The following EPM2A variants were observed in gnomAD, a reference collection of about 807,000 sequenced individuals.
The protein encoded by EPM2A is laforin.
EPM2A carries 21 observed loss-of-function variants against 26.5 expected under a neutral mutation model. The observed-to-expected ratio is 0.79, with a 90% CI of 0.56 to 1.14. The LOEUF (loss-of-function observed/expected upper bound fraction) is 1.14, where lower values mean the gene tolerates loss of function less well. EPM2A is among the 50% of genes most tolerant of loss of function. The pLI is 0.00. For synonymous variants in EPM2A, 217 were observed against 177.6 expected, an observed-to-expected ratio of 1.22 and a Z score of -1.76; for missense variants, 458 against 440.8, an observed-to-expected ratio of 1.04 and a Z score of -0.35.
chr6:145,664,340 T>C (rs377513073), intron 2 of EPM2A, among the ~76,000 whole-genome samples: 1 of 111,618 alleles, frequency 9.0e-6, no homozygotes, highest in South Asian at 2.8e-4. Context: ...AATGGAAAAC[T>C]AAAAAAGGCA....
chr6:145,502,438 C>G, intron 3 of EPM2A: 1 of 457,600 alleles, frequency 2.2e-6, no homozygotes, highest in South Asian at 1.6e-5. Context: ...GACTGCACAG[C>G]CCCCAAATAT....
chr6:145,658,383 T>C (rs1778447776), intron 2 of EPM2A, among the ~76,000 whole-genome samples: 1 of 152,220 alleles, frequency 6.6e-6, no homozygotes, highest in African/African-American at 2.4e-5. Flanking sequence ...GATGTGACTT[T>C]TGCTCCTAAA....
chr6:145,406,187 C>A (rs1360876201), intron 4 of EPM2A, among the ~76,000 whole-genome samples: 2 of 152,004 alleles, frequency 1.3e-5, no homozygotes, highest in African/African-American at 4.8e-5. Context: ...TTTGTATAAC[C>A]AAAGTATTTC....
intron 2 of EPM2A, among the ~76,000 whole-genome samples, chr6:145,507,484 T>TAGAGATAACA: frequency 6.6e-6 from 1 of 152,158 alleles, no homozygotes; most frequent in East Asian, 1.9e-4. Context: ...GAGGGCACCC[T>TAGAGATAACA]GTTTCTCTCA....
At chr6:145,665,829 C>A (rs1309585825) in intron 2 of EPM2A, among the ~76,000 whole-genome samples, 3 of 140,376 alleles carry the variant, frequency 2.1e-5, no homozygotes, top group Non-Finnish European at 4.6e-5. Context: ...ATCAAGTGGG[C>A]TTCATCCCTG....
rs1780777739 is a variant in EPM2A at position 145,559,663 on chromosome 6, T to G, written c.341-57088A>C. 2.1e-5 allele frequency among the ~76,000 whole-genome samples: 3 copies of G among 142,278 alleles called. No homozygotes were observed. The South Asian group carries it at 7.1e-4, about 34-fold the overall frequency. 93.3% of individuals were successfully genotyped at this position (142,278 alleles called of 152,430 possible). Reference sequence around the variant, plus strand: ...CCTATGGATGGCTCCTTTCCAATAATACTTTCTCCTTTTTTTTTTTTTTTT... The same window carrying G: ...CCTATGGATGGCTCCTTTCCAATAAGACTTTCTCCTTTTTTTTTTTTTTTT... On this transcript the variant is annotated intron_variant, in intron 2 of 3. Transcript: ENST00000450221.
At chr6:145,415,679 T>C (rs1386585166) in intron 4 of EPM2A, among the ~76,000 whole-genome samples, 1 of 152,220 alleles carries the variant, frequency 6.6e-6, no homozygotes, top group Non-Finnish European at 1.5e-5. Flanking sequence ...TGTTACACTT[T>C]ACAAAGTACT....
At chr6:145,578,152 G>T (rs1781060944) in intron 2 of EPM2A, among the ~76,000 whole-genome samples, 1 of 151,866 alleles carries the variant, frequency 6.6e-6, no homozygotes, top group Admixed American at 6.6e-5. Context: ...AGAAAATCAA[G>T]AACAAGCCAA....
chr6:145,502,466 G>C, intron 3 of EPM2A: 2 of 466,788 alleles, frequency 4.3e-6, no homozygotes, highest in Non-Finnish European at 8.8e-6. Flanking sequence ...TCCTGAAGAA[G>C]AGATGACAGC....
intron 2 of EPM2A, among the ~76,000 whole-genome samples, chr6:145,667,966 A>G (rs1779348445): frequency 6.9e-6 from 1 of 145,882 alleles, no homozygotes; most frequent in African/African-American, 2.5e-5. Flanking sequence ...TTAAACAATG[A>G]GATCACATGG....
chr6:145,517,703 T>A (rs994580190), intron 2 of EPM2A, among the ~76,000 whole-genome samples: 4 of 152,160 alleles, frequency 2.6e-5, no homozygotes, highest in African/African-American at 7.2e-5. Flanking sequence ...AAGGGAACAA[T>A]GAAGCACTAA....
chr6:145,682,147 T>G (rs923993716), intron 2 of EPM2A, among the ~76,000 whole-genome samples: 4 of 152,060 alleles, frequency 2.6e-5, no homozygotes, highest in Non-Finnish European at 5.9e-5. Context: ...CAATCACGGT[T>G]GAAGGCAAGG....
chr6:145,575,214 G>C (rs1781014546), intron 2 of EPM2A, among the ~76,000 whole-genome samples: 1 of 152,112 alleles, frequency 6.6e-6, no homozygotes, highest in African/African-American at 2.4e-5. Flanking sequence ...GCCACTACTG[G>C]GGATGGGGAA....
intron 2 of EPM2A, among the ~76,000 whole-genome samples, chr6:145,672,507 C>T (rs1176805622): frequency 6.6e-6 from 1 of 152,176 alleles, no homozygotes; most frequent in African/African-American, 2.4e-5. Flanking sequence ...AAATGGGTAC[C>T]ACCAGATACT....
intron 2 of EPM2A, among the ~76,000 whole-genome samples, chr6:145,677,334 T>A (rs1342475951): frequency 6.6e-6 from 1 of 152,188 alleles, no homozygotes; most frequent in Non-Finnish European, 1.5e-5. Context: ...TTATACTGAA[T>A]GGGCAAAAAT....
At chr6:145,631,436 C>T (rs1398111211) in intron 3 of EPM2A, 2 of 152,114 alleles carry the variant, frequency 1.3e-5, no homozygotes, top group Non-Finnish European at 2.9e-5. Context: ...AACTGTAAAT[C>T]CTTTGCAGGT....
chr6:145,479,125 T>C (rs936398764), intron 4 of EPM2A, among the ~76,000 whole-genome samples: 1 of 151,402 alleles, frequency 6.6e-6, no homozygotes, highest in Admixed American at 6.6e-5. Flanking sequence ...ACTATGTTTA[T>C]CAATAGTGGA....
chr6:145,396,560 ATAAACTT>A (rs1449045015), intron 4 of EPM2A, among the ~76,000 whole-genome samples: 2 of 83,600 alleles, frequency 2.4e-5, no homozygotes, highest in African/African-American at 6.9e-5. Context: ...TCTCAGGTAC[ATAAACTT>A]TGCAATGTCT....
At position 145,735,412 on chromosome 6, in the gene EPM2A, C is replaced by T; in HGVS notation, c.87G>A (p.Leu29=). ...ELLVVGSRPE[L]GRWEPRGAVR... ...CGGCACCGCGCGGCTCCCAACGCCC[C>T]AGCTCGGGCCGCGACCCCACCACCA... Residue 29 remains leucine, a synonymous_variant, in exon 1 of 4, where the codon CTG becomes CTA. Transcript: ENST00000367519. 8.0e-7 allele frequency: 1 copy of T among 1,250,218 alleles called. No homozygotes were observed. Among genetic ancestry groups the T allele is most frequent in the South Asian group, 2.6e-5 (1 of 37,800 alleles). The allele number at this position is 1,250,218 out of a possible 1,614,324, so 77.4% of individuals were successfully genotyped here.
Sources: allele counts gnomAD v4.1 joint callset (sites outside exome capture counted in the v4.1 genomes callset), GRCh38; gene constraint gnomAD v4.1.1; transcripts MANE v1.5; gene names NCBI Gene and HGNC (gene_info 2026-07-23, HGNC 2026-07-21).